The following NCKAP5 variants were observed in gnomAD, a reference collection of about 807,000 sequenced individuals.
The protein encoded by NCKAP5 is NCK associated protein 5.
A neutral mutation model predicts 167.0 loss-of-function variants in NCKAP5; 92 were observed. That is an observed-to-expected ratio of 0.55 (90% CI 0.47 to 0.66). NCKAP5 has a LOEUF of 0.66. Among genes scored for constraint, NCKAP5 ranks in the 30% least tolerant of loss-of-function variants. The pLI is 0.00. For synonymous variants in NCKAP5, 891 were observed against 877.4 expected (o/e 1.02, Z -0.27); for missense variants, 2,378 against 2,315.0 (o/e 1.03, Z -0.56).
At chr2:133,047,222 T>C (rs963626709) in intron 6 of NCKAP5, among the ~76,000 whole-genome samples, 1 of 152,184 alleles carries the variant, frequency 6.6e-6, no homozygotes, top group Non-Finnish European at 1.5e-5. Context: ...AAGTCCCTTA[T>C]TCAGGACCAA....
chr2:133,017,733 C>T (rs138405576), intron 6 of NCKAP5, among the ~76,000 whole-genome samples: 1 of 152,008 alleles, frequency 6.6e-6, no homozygotes, highest in Non-Finnish European at 1.5e-5. Context: ...CCCGCCCCCC[C>T]ACTGTTTCCT....
At chr2:132,835,377 G>T (rs537165215) in intron 11 of NCKAP5, among the ~76,000 whole-genome samples, 2 of 152,094 alleles carry the variant, frequency 1.3e-5, no homozygotes, top group Non-Finnish European at 2.9e-5. Context: ...GTTGATCTTT[G>T]CCCTCTCAGC....
chr2:133,192,285 A>G (rs1295784236), intron 5 of NCKAP5, among the ~76,000 whole-genome samples: 1 of 152,152 alleles, frequency 6.6e-6, no homozygotes, highest in Non-Finnish European at 1.5e-5. Flanking sequence ...AATGTATCAC[A>G]AGCTTTAAAT....
At chr2:132,924,899 G>A (rs562705521) in intron 8 of NCKAP5, among the ~76,000 whole-genome samples, 3 of 152,018 alleles carry the variant, frequency 2.0e-5, no homozygotes, top group South Asian at 4.2e-4. Flanking sequence ...GAAGTGGATT[G>A]GGATAGATTT....
intron 11 of NCKAP5, among the ~76,000 whole-genome samples, chr2:132,802,979 A>G (rs1574273095): frequency 6.6e-6 from 1 of 152,292 alleles, no homozygotes; most frequent in South Asian, 2.1e-4. Context: ...TTATTATAAA[A>G]CTGAATATTA....
chr2:133,636,275 C>T, the NCKAP5 span, among the ~76,000 whole-genome samples: 40,147 of 151,814 alleles, frequency 0.26, 8,202 homozygotes, highest in African/African-American at 0.56. Context: ...TAGGAGTATA[C>T]TCATTGTTCA....
chr2:133,442,281 A>G (rs1375077081), intron 3 of NCKAP5, among the ~76,000 whole-genome samples: 1 of 152,140 alleles, frequency 6.6e-6, no homozygotes, highest in Non-Finnish European at 1.5e-5. Flanking sequence ...CTCTAGACAG[A>G]GCTATGCACA....
At chr2:133,326,569 T>G (rs1255418477) in intron 3 of NCKAP5, among the ~76,000 whole-genome samples, 1 of 151,290 alleles carries the variant, frequency 6.6e-6, no homozygotes, top group Non-Finnish European at 1.5e-5. Context: ...AGAACAGTCC[T>G]CCATTCCCTC....
At position 132,886,561 on chromosome 2, in the gene NCKAP5, C is replaced by T. The variant is rs528252528; in HGVS notation, c.580-7645G>A. ...ACAGAGCTGCATTTAGTTATAATTT[C>T]TCTTTAGCGTCCTCTCATATGGAAC... On this transcript the variant is annotated intron_variant, in intron 8 of 19. Coordinates refer to ENST00000409261, the MANE Select transcript of NCKAP5 (RefSeq NM_207363.3). 1.6e-3 allele frequency among the ~76,000 whole-genome samples: 245 copies of T among 152,316 alleles called. 1 individual carries two copies. Among genetic ancestry groups the T allele is most frequent in the African/African-American group, 5.4e-3 (224 of 41,578 alleles).
chr2:133,158,030 A>C (rs1270768986), intron 5 of NCKAP5, among the ~76,000 whole-genome samples: 1 of 152,212 alleles, frequency 6.6e-6, no homozygotes, highest in Non-Finnish European at 1.5e-5. Flanking sequence ...AATATATTTC[A>C]ACTAAAGGGT....
At chr2:133,556,437 G>A (rs533489763) in intron 2 of NCKAP5, among the ~76,000 whole-genome samples, 10 of 152,228 alleles carry the variant, frequency 6.6e-5, no homozygotes, top group South Asian at 2.1e-4. Flanking sequence ...CTACTGATTG[G>A]TGTGTAGTAT....
chr2:132,971,459 T>G (rs764777396), intron 7 of NCKAP5, among the ~76,000 whole-genome samples: 11 of 152,128 alleles, frequency 7.2e-5, no homozygotes, highest in Non-Finnish European at 1.2e-4. Context: ...GAGAAGTCAC[T>G]GAATGGAATG....
chr2:133,165,330 A>G (rs1277613299), intron 5 of NCKAP5, among the ~76,000 whole-genome samples: 1 of 152,230 alleles, frequency 6.6e-6, no homozygotes, highest in Non-Finnish European at 1.5e-5. Flanking sequence ...AGATGCTCAC[A>G]GCCTGCAACC....
chr2:132,817,982 C>T (rs1400072067), intron 11 of NCKAP5, among the ~76,000 whole-genome samples: 1 of 152,196 alleles, frequency 6.6e-6, no homozygotes. Flanking sequence ...GGGTCTCACC[C>T]CATTGCCCAG....
chr2:133,254,146 C>A (rs528845071), intron 4 of NCKAP5, among the ~76,000 whole-genome samples: 2 of 152,114 alleles, frequency 1.3e-5, no homozygotes, highest in Non-Finnish European at 2.9e-5. Context: ...CCTCCCACAG[C>A]GAAAACAGGT....
chr2:132,842,435 T>G (rs1246379349), intron 11 of NCKAP5, among the ~76,000 whole-genome samples: 1 of 152,200 alleles, frequency 6.6e-6, no homozygotes, highest in East Asian at 1.9e-4. Flanking sequence ...TCATTGTTAC[T>G]TATTTCCTTT....
At chr2:132,985,319 A>T (rs756664068) in intron 7 of NCKAP5, among the ~76,000 whole-genome samples, 1 of 152,204 alleles carries the variant, frequency 6.6e-6, no homozygotes. Flanking sequence ...AGAAGAATGT[A>T]CATATCTATT....
At chr2:133,123,126 A>G (rs1316159815) in intron 6 of NCKAP5, 1 of 152,306 alleles carries the variant, frequency 6.6e-6, no homozygotes, top group Non-Finnish European at 1.5e-5. Context: ...AGGCAACATG[A>G]CTTTCACGTT....
rs530749860 is a variant in NCKAP5 at position 132,897,500 on chromosome 2, C to T, written c.580-18584G>A. On this transcript the variant is annotated intron_variant, in intron 8 of 19. Coordinates refer to ENST00000409261, the MANE Select transcript of NCKAP5 (RefSeq NM_207363.3). ...ATACATACGAATCAGAGTTTCTCAA[C>T]CGCAGCACTATTGACATTTTAGGTC... is the stretch of plus-strand genomic sequence containing the variant. 7.2e-5 allele frequency among the ~76,000 whole-genome samples: 11 copies of T among 152,294 alleles called. No individual in the cohort carries two copies. In the South Asian group the frequency reaches 2.3e-3, roughly 32 times the overall value.
Sources: gnomAD v4.1 joint callset for allele counts (sites outside exome capture counted in the v4.1 genomes callset) on GRCh38, gnomAD v4.1.1 for gene constraint, MANE v1.5 for transcripts, NCBI Gene and HGNC (gene_info 2026-07-23, HGNC 2026-07-21) for gene names.